Variants in KLF10 observed in about 807,000 individuals in gnomAD.
KLF10 encodes KLF transcription factor 10.
In KLF10, 17 loss-of-function variants were observed where a neutral mutation model predicts 31.6. The ratio of observed to expected loss-of-function variants is 0.54; its 90% CI spans 0.37 to 0.81. KLF10 has a LOEUF of 0.81. Among genes scored for constraint, KLF10 ranks in the 30% least tolerant of loss-of-function variants. The pLI, the probability that KLF10 is intolerant of heterozygous loss-of-function variation, is 0.00. For synonymous variants in KLF10, 239 were observed against 215.1 expected (o/e 1.11, Z -0.97); for missense variants, 525 against 598.1 (o/e 0.88, Z 1.27).
chr8:102,655,654 T>C lies in KLF10; in HGVS notation c.-53A>G. 4.4e-6 allele frequency: 7 copies of C among 1,606,524 alleles called. No homozygotes were observed. Among genetic ancestry groups the C allele is most frequent in the Non-Finnish European group, 6.0e-6 (7 of 1,175,668 alleles). ...GCTGACTGGCTGCTAGGCTGCTGGCTGCTTGGCCACAGACGGGCGCACGGA... is the reference window on the plus strand; with the variant it reads ...GCTGACTGGCTGCTAGGCTGCTGGCCGCTTGGCCACAGACGGGCGCACGGA... On this transcript the variant is annotated 5_prime_UTR_variant, in exon 1 of 4. Coordinates refer to ENST00000285407, the MANE Select transcript of KLF10 (RefSeq NM_005655.4).
Position 102,652,072 on chromosome 8 carries a change from G to A in KLF10, c.271-11C>T, listed in dbSNP as rs1827228112. On this transcript the variant is annotated splice_polypyrimidine_tract_variant and intron_variant, in intron 2 of 3. Transcript: ENST00000285407. ...AGGTGGAGTCAAACACTAAAGAAAAGGGAAATACATAGCATGAGAAATCTA... is the reference window on the plus strand; with the variant it reads ...AGGTGGAGTCAAACACTAAAGAAAAAGGAAATACATAGCATGAGAAATCTA... 2 of 1,569,986 alleles carry A rather than the reference G, an allele frequency of 1.3e-6. No individual in the cohort carries two copies. Among genetic ancestry groups the A allele is most frequent in the Non-Finnish European group, 1.7e-6 (2 of 1,162,236 alleles).
At position 102,652,242 on chromosome 8, in the gene KLF10, A is replaced by G. The variant is rs766658770; in HGVS notation, c.192T>C (p.Pro64=). ...SDFKKYVENR[P]VTPVSDLSEE... ...CTGACAAATCAGATACTGGTGTAAC[A>G]GGTCTGTTTTCAACGTATTTCTTAA... The change falls in exon 2 of 4, where the codon CCT becomes CCC. Residue 64 remains proline, a synonymous_variant. Transcript: ENST00000285407. 1 of 1,613,334 alleles carries G rather than the reference A, an allele frequency of 6.2e-7. No homozygotes were observed. The highest frequency in any genetic ancestry group is 1.1e-5 in the South Asian group (1 of 90,970).
At chr8:102,650,484 T>A in intron 3 of KLF10, 93 bp from the exon 4 acceptor site, 1 of 1,257,758 alleles carries the variant, frequency 8.0e-7, no homozygotes, top group Non-Finnish European at 1.1e-6. Context: ...AGATACATTT[T>A]AAATAATAAA....
rs773118542 is a variant in KLF10 at position 102,650,318 on chromosome 8, G to A, written c.1257C>T (p.His419=). 3.5e-5 allele frequency: 57 copies of A among 1,614,080 alleles called. No individual in the cohort carries two copies. The Middle Eastern group carries it at 1.5e-3, about 42-fold the overall frequency. ...RFARSDELSR[H]RRTHTGEKKF... is the part of the protein sequence containing the mutation. ...TCTTCTCACCCGTGTGGGTTCGCCTGTGTCTGGACAGTTCATCAGAACGGG... is the reference window on the plus strand; with the variant it reads ...TCTTCTCACCCGTGTGGGTTCGCCTATGTCTGGACAGTTCATCAGAACGGG... Residue 419 remains histidine, a synonymous_variant, in exon 4 of 4, where the codon CAC becomes CAT. Transcript: ENST00000285407.
At chr8:102,652,427 G>T in intron 1 of KLF10, 30 bp from the exon 2 acceptor site, 2 of 1,320,752 alleles carry the variant, frequency 1.5e-6, no homozygotes, top group South Asian at 1.6e-5. Flanking sequence ...AAGCTTATAA[G>T]CATATTTTTT....
intron 1 of KLF10, chr8:102,654,005 C>T (rs560109426): frequency 1.9e-5 from 19 of 984,442 alleles, no homozygotes; most frequent in Non-Finnish European, 2.3e-5. Context: ...CCTCGCCGCT[C>T]GCACGTCCCC....
rs557016464 is a variant in KLF10, at chr8:102,648,978, T to A, written c.*1154A>T. The A allele has an allele frequency of 6.6e-6, 1 of 152,632 alleles. No individual in the cohort carries two copies. The highest frequency in any genetic ancestry group is 2.4e-5 in the African/African-American group (1 of 41,452). 9.5% of individuals were successfully genotyped at this position (152,632 alleles called of 1,614,324 possible). A position where few individuals can be genotyped will look rare whatever the true frequency, so the allele number is the denominator to read the frequency against. ...AGATATAGTGACATTTTTCACTATATATTTTAAGCAATGTACTTTTGTTTT... is the reference window on the plus strand; with the variant it reads ...AGATATAGTGACATTTTTCACTATAAATTTTAAGCAATGTACTTTTGTTTT... On this transcript the variant is annotated 3_prime_UTR_variant, in exon 4 of 4. Transcript: ENST00000285407.
At chr8:102,655,059 C>T (rs1331687131) in intron 1 of KLF10, among the ~76,000 whole-genome samples, 4 of 152,078 alleles carry the variant, frequency 2.6e-5, no homozygotes, top group Non-Finnish European at 4.4e-5. Flanking sequence ...GTAGCCCACT[C>T]GCCTCTCCTG....
intron 1 of KLF10, chr8:102,653,946 G>A: frequency 2.0e-6 from 2 of 987,882 alleles, no homozygotes; most frequent in Non-Finnish European, 2.4e-6. Flanking sequence ...CCGACGGATG[G>A]GGCCGCCCTA....
Position 102,653,734 on chromosome 8 carries a change from G to A in KLF10, c.37-1337C>T, listed in dbSNP as rs567955811. The A allele has an allele frequency of 1.9e-5, 22 of 1,171,854 alleles. No individual in the cohort carries two copies. In the East Asian group the frequency reaches 4.3e-4, roughly 23 times the overall value. The allele number at this position is 1,171,854 out of a possible 1,614,324, so 72.6% of individuals were successfully genotyped here. On this transcript the variant is annotated intron_variant, in intron 1 of 3. Coordinates refer to ENST00000285407, the MANE Select transcript of KLF10 (RefSeq NM_005655.4). ...GCGCGCGTGTGTGTAACAGCCCCAA[G>A]ACGCCAATGCAAAAAAAGGAAAAAA... is the stretch of plus-strand genomic sequence containing the variant.
chr8:102,654,117 T>G (rs1827298678), intron 1 of KLF10: 1 of 227,726 alleles, frequency 4.4e-6, no homozygotes, highest in Non-Finnish European at 7.2e-6. Context: ...GCGAGGCATG[T>G]GAACAAAGCG....
At chr8:102,652,141 A>C in intron 2 of KLF10, 23 bp downstream of exon 2, 1 of 1,513,062 alleles carries the variant, frequency 6.6e-7, no homozygotes, top group Non-Finnish European at 8.9e-7. Flanking sequence ...ATTTACGTCT[A>C]TCTTAAAAAC....
chr8:102,650,931 A>G (rs1001310712), intron 3 of KLF10, among the ~76,000 whole-genome samples: 2 of 152,176 alleles, frequency 1.3e-5, no homozygotes, highest in Non-Finnish European at 2.9e-5. Context: ...TTGAACTCCT[A>G]TGCTCAAACA....
In KLF10 at chr8:102,650,211, T is replaced by C; in HGVS notation, c.1364A>G (p.Lys455Arg). ...TTCCATCTGCCAGTTTGGTAGCTTC[T>C]TGGCTGATAGATGGCGCCGGGCATG... ...TKHARRHLSA[K>R]KLPNWQMEVS... The change falls in exon 4 of 4, where the codon AAG becomes AGG. Residue 455 changes from lysine (K) to arginine (R), a missense_variant. By Grantham distance (26) the Lys-to-Arg change is conservative. Coordinates refer to ENST00000285407, the MANE Select transcript of KLF10 (RefSeq NM_005655.4). 3 of 1,614,252 alleles carry C rather than the reference T, an allele frequency of 1.9e-6. No homozygotes were observed. The highest frequency in any genetic ancestry group is 2.5e-6 in the Non-Finnish European group (3 of 1,180,044).
chr8:102,651,857 T>C lies in KLF10; in HGVS notation c.475A>G (p.Thr159Ala). ...TGGTTACATAGCTGGGCATCAGCTG[T>C]ATGACGAATCACACTTGTTGCCTGA... ...KAQATSVIRH[T>A]ADAQLCNHQT... is the part of the protein sequence containing the mutation. Residue 159 changes from threonine to alanine, a missense_variant, in exon 3 of 4, where the codon ACA (threonine) becomes GCA (alanine). Physicochemically the swap from Thr to Ala is moderately conservative, Grantham distance 58. Coordinates refer to ENST00000285407, the MANE Select transcript of KLF10 (RefSeq NM_005655.4). 1.2e-6 allele frequency: 2 copies of C among 1,614,222 alleles called. No homozygotes were observed. The highest frequency in any genetic ancestry group is 1.7e-6 in the Non-Finnish European group (2 of 1,180,040).
chr8:102,650,719 T>TA (rs1294579045), intron 3 of KLF10, among the ~76,000 whole-genome samples: 1 of 151,848 alleles, frequency 6.6e-6, no homozygotes, highest in Non-Finnish European at 1.5e-5. Flanking sequence ...TTTCATCCCT[T>TA]AAAAAAAGCC....
At position 102,650,092 on chromosome 8, in the gene KLF10, T is replaced by A; in HGVS notation, c.*40A>T. Reference sequence around the variant, plus strand: ...TTTTTACATCACCACTGGCTCCCGCTGAGACCAAAGTTAGTTCTGACTCTT... The same window carrying A: ...TTTTTACATCACCACTGGCTCCCGCAGAGACCAAAGTTAGTTCTGACTCTT... On this transcript the variant is annotated 3_prime_UTR_variant, in exon 4 of 4. Transcript: ENST00000285407. 1 of 1,606,018 alleles carries A rather than the reference T, an allele frequency of 6.2e-7. No homozygotes were observed. The highest frequency in any genetic ancestry group is 8.5e-7 in the Non-Finnish European group (1 of 1,174,780).
At chr8:102,654,093 T>G (rs1587835892) in intron 1 of KLF10, 3 of 422,374 alleles carry the variant, frequency 7.1e-6, no homozygotes, top group Admixed American at 6.5e-5. Flanking sequence ...GGCGGGGGCG[T>G]GGGCGAGGAG....
At chr8:102,654,053 G>A in intron 1 of KLF10, 1 of 907,668 alleles carries the variant, frequency 1.1e-6, no homozygotes, top group Non-Finnish European at 1.3e-6. Flanking sequence ...CGGCTCGGCG[G>A]CCCGAGCCCG....
Sources: allele counts gnomAD v4.1 joint callset (sites outside exome capture counted in the v4.1 genomes callset), GRCh38; gene constraint gnomAD v4.1.1; transcripts MANE v1.5; gene names NCBI Gene and HGNC (gene_info 2026-07-23, HGNC 2026-07-21).